The following DNAH7 variants were observed in gnomAD, a reference collection of about 807,000 sequenced individuals.
DNAH7 encodes axonemal beta dynein heavy chain 7.
DNAH7 carries 397 observed loss-of-function variants against 444.6 expected under a neutral mutation model. That is an observed-to-expected ratio of 0.89 (90% confidence interval 0.82 to 0.97). The LOEUF (loss-of-function observed/expected upper bound fraction) is 0.97. DNAH7 is among the 50% of genes least tolerant of loss of function. DNAH7 has a pLI of 0.00. For synonymous variants in DNAH7, 1,636 were observed against 1,624.4 expected, an observed-to-expected ratio of 1.01 and a Z score of -0.17; for missense variants, 4,902 against 4,800.8, an observed-to-expected ratio of 1.02 and a Z score of -0.62.
chr2:196,029,042 TTTG>T (rs1695868461), intron 5 of DNAH7, among the ~76,000 whole-genome samples: 1 of 152,216 alleles, frequency 6.6e-6, no homozygotes, highest in South Asian at 2.1e-4. Context: ...TCAATAAATG[TTTG>T]TTAAGTGAGG....
chr2:196,048,484 A>C, intron 3 of DNAH7, 80 bp from the exon 4 acceptor site: 1 of 1,138,676 alleles, frequency 8.8e-7, no homozygotes, highest in Non-Finnish European at 1.3e-6. Context: ...AGTGTTTATA[A>C]ACACAGACAT....
At position 195,786,955 on chromosome 2, in the gene DNAH7, T is replaced by A. The variant is rs554262641; in HGVS notation, c.10878+55A>T. 3.1e-5 allele frequency: 46 copies of A among 1,500,070 alleles called. No individual in the cohort carries two copies. In the South Asian group the frequency reaches 6.5e-4, roughly 21 times the overall value. The allele number at this position is 1,500,070 out of a possible 1,614,324, so 92.9% of individuals were successfully genotyped here. On this transcript the variant is annotated intron_variant, in intron 58 of 64. Coordinates refer to ENST00000312428, the MANE Select transcript of DNAH7 (RefSeq NM_018897.3). The stretch of plus-strand genomic sequence containing the variant: ...AAGTGCCCACTTACTATAACACACT[T>A]ATAACATGATAAAGAGCAACATAGG...
intron 27 of DNAH7, chr2:195,904,840 C>T (rs919241686): frequency 1.3e-5 from 2 of 152,054 alleles, no homozygotes; most frequent in Non-Finnish European, 2.9e-5. Context: ...ATTCCGAAAA[C>T]TGGTAATGAT....
Position 196,047,406 on chromosome 2 carries a change from T to C in DNAH7, c.344A>G (p.Lys115Arg). Residue 115 changes from lysine to arginine, a missense_variant, in exon 5 of 65, where the codon AAA (lysine) becomes AGA (arginine). Coordinates refer to ENST00000312428, the MANE Select transcript of DNAH7 (RefSeq NM_018897.3). Reference protein sequence around the residue: ...VGPSTSKSKGKSPHKERENFR... With the variant: ...VGPSTSKSKGRSPHKERENFR... ...GTTTTCTCGTTCTTTATGTGGAGAT[T>C]TGCCCTTTGATTTGGAAGTAGATGG... 1 of 1,604,414 alleles carries C rather than the reference T, an allele frequency of 6.2e-7. No homozygotes were observed. Among genetic ancestry groups the C allele is most frequent in the Non-Finnish European group, 8.5e-7 (1 of 1,174,634 alleles).
At chr2:195,825,080 C>A in intron 48 of DNAH7, 1 of 152,134 alleles carries the variant, frequency 6.6e-6, no homozygotes, top group South Asian at 2.1e-4. Flanking sequence ...AGTTCAAGAC[C>A]AGCCTAGGCA....
At position 195,920,643 on chromosome 2, in the gene DNAH7, C is replaced by G. The variant is rs190387846; in HGVS notation, c.3935+1445G>C. On this transcript the variant is annotated intron_variant, in intron 24 of 64. Coordinates refer to ENST00000312428, the MANE Select transcript of DNAH7 (RefSeq NM_018897.3). ...ATAAGCTAACATTGGAAAAATCCTTCTAGACATTGGCTTAGGCAAAGAGTT... is the reference window on the plus strand; with the variant it reads ...ATAAGCTAACATTGGAAAAATCCTTGTAGACATTGGCTTAGGCAAAGAGTT... Among the ~76,000 whole-genome samples, 317 of 152,300 alleles carry G rather than the reference C, an allele frequency of 2.1e-3. 1 individual carries two copies. The highest frequency in any genetic ancestry group is 7.1e-3 in the African/African-American group (297 of 41,568).
chr2:195,816,862 T>G lies in DNAH7; in HGVS notation c.9527A>C (p.Lys3176Thr). 1 of 1,614,170 alleles carries G rather than the reference T, an allele frequency of 6.2e-7. No individual in the cohort carries two copies. Among genetic ancestry groups the G allele is most frequent in the African/African-American group, 1.3e-5 (1 of 75,058 alleles). ...ETAIKILSSS[K>T]ALANEISQKQ... is the part of the protein sequence containing the mutation. ...CTGAGAAATCTCATTAGCCAAGGCC[T>G]TGGAGGAAGATAATATCTTAATAGC... is the stretch of plus-strand genomic sequence containing the variant. The change falls in exon 51 of 65, where the codon AAG (lysine) becomes ACG (threonine). Residue 3176 changes from lysine (K) to threonine (T), a missense_variant. Lys to Thr is a moderately conservative substitution (Grantham distance 78, BLOSUM62 -1). Coordinates refer to ENST00000312428, the MANE Select transcript of DNAH7 (RefSeq NM_018897.3).
At chr2:195,898,830 C>T (rs1172472260) in intron 28 of DNAH7, among the ~76,000 whole-genome samples, 1 of 152,188 alleles carries the variant, frequency 6.6e-6, no homozygotes, top group East Asian at 1.9e-4. Flanking sequence ...TACTACAAAT[C>T]TGGTTGAACT....
At chr2:195,933,092 T>C (rs1688810338) in intron 21 of DNAH7, among the ~76,000 whole-genome samples, 2 of 152,218 alleles carry the variant, frequency 1.3e-5, no homozygotes, top group Non-Finnish European at 2.9e-5. Flanking sequence ...TGCCTCAATT[T>C]CAGAGGCTGT....
chr2:195,887,044 C>T (rs1701748527), intron 33 of DNAH7, among the ~76,000 whole-genome samples: 1 of 152,140 alleles, frequency 6.6e-6, no homozygotes, highest in South Asian at 2.1e-4. Flanking sequence ...ACTGATGCAA[C>T]ACTAAAATAC....
intron 5 of DNAH7, among the ~76,000 whole-genome samples, chr2:196,036,573 A>G (rs1028375845): frequency 7.9e-5 from 12 of 151,964 alleles, no homozygotes; most frequent in Non-Finnish European, 1.5e-5. Flanking sequence ...GCCACCAACA[A>G]TGACCTTGCC....
At chr2:195,892,742 T>C (rs1702085378) in intron 30 of DNAH7, 2 of 152,024 alleles carry the variant, frequency 1.3e-5, no homozygotes, top group South Asian at 2.1e-4. Flanking sequence ...TGTAGTATCA[T>C]TATCCCCCAT....
intron 36 of DNAH7, among the ~76,000 whole-genome samples, chr2:195,881,105 T>A (rs1331954867): frequency 6.6e-6 from 1 of 152,214 alleles, no homozygotes; most frequent in African/African-American, 2.4e-5. Context: ...ATTTACTTTA[T>A]GAGAGATGTC....
chr2:196,063,966 C>T (rs1027488999), intron 1 of DNAH7: 6 of 152,272 alleles, frequency 3.9e-5, no homozygotes, highest in Non-Finnish European at 7.3e-5. Context: ...GCTGCCATGC[C>T]TCCTGGCTCA....
chr2:195,949,425 A>C (rs969149095), intron 19 of DNAH7, among the ~76,000 whole-genome samples: 1 of 152,092 alleles, frequency 6.6e-6, no homozygotes, highest in Non-Finnish European at 1.5e-5. Flanking sequence ...CTGGGACTAC[A>C]GTCACACACC....
intron 36 of DNAH7, among the ~76,000 whole-genome samples, chr2:195,878,073 C>A (rs1701160893): frequency 6.6e-6 from 1 of 152,144 alleles, no homozygotes; most frequent in Non-Finnish European, 1.5e-5. Context: ...TTTAAAGAAA[C>A]AACTCCCTAT....
chr2:195,982,839 T>C (rs115509220), intron 15 of DNAH7, among the ~76,000 whole-genome samples: 1,770 of 152,154 alleles, frequency 0.012, 24 homozygotes, highest in Middle Eastern at 0.065. Flanking sequence ...AGTGGGTGGA[T>C]GTGGGGGATG....
intron 42 of DNAH7, among the ~76,000 whole-genome samples, 170 bp from the exon 43 acceptor site, chr2:195,858,974 G>A (rs781450982): frequency 2.0e-5 from 3 of 152,082 alleles, no homozygotes; most frequent in Non-Finnish European, 2.9e-5. Flanking sequence ...CTAGAATGTC[G>A]GATTTGTGCA....
Position 195,853,366 on chromosome 2 carries a change from C to T in DNAH7, c.8758G>A (p.Ala2920Thr). The change falls in exon 46 of 65, where the codon GCC (alanine) becomes ACC (threonine). Residue 2920 changes from alanine (A) to threonine (T), a missense_variant. By Grantham distance (58) the Ala-to-Thr change is moderately conservative. Coordinates refer to ENST00000312428, the MANE Select transcript of DNAH7 (RefSeq NM_018897.3). Reference sequence around the variant, plus strand: ...ACCTGTCTATAGGTGGATGTGAAGGCTCCGAGGTAAGCAACCACTCCGGAG... The same window carrying T: ...ACCTGTCTATAGGTGGATGTGAAGGTTCCGAGGTAAGCAACCACTCCGGAG... Reference protein sequence around the residue: ...ISSGVVAYLGAFTSTYRQNQT... With the variant: ...ISSGVVAYLGTFTSTYRQNQT... 1 of 1,613,948 alleles carries T rather than the reference C, an allele frequency of 6.2e-7. No individual in the cohort carries two copies.
Sources: allele counts gnomAD v4.1 joint callset (sites outside exome capture counted in the v4.1 genomes callset), GRCh38; gene constraint gnomAD v4.1.1; transcripts MANE v1.5; gene names NCBI Gene and HGNC (gene_info 2026-07-23, HGNC 2026-07-21).